Variants in SMG6 observed in about 807,000 individuals in gnomAD.
The protein encoded by SMG6 is SMG6 nonsense mediated mRNA decay factor, also known as telomerase-binding protein EST1A.
Under a neutral mutation model 142.2 loss-of-function variants are expected in SMG6, and 66 were observed. The observed-to-expected ratio is 0.46, with a 90% confidence interval of 0.38 to 0.57. The LOEUF is 0.57. Ranked by LOEUF, SMG6 falls within the 20% of genes least tolerant of loss-of-function variation. SMG6 has a pLI of 0.00. For missense variants in SMG6, 1,793 were observed against 1,832.0 expected (o/e 0.98, Z 0.39); for synonymous variants, 779 against 702.4 (o/e 1.11, Z -1.72).
rs199666681 is a variant in SMG6, at chr17:2,061,469, G to GT, written c.*22_*23insA. 341 of 1,566,848 alleles carry GT rather than the reference G, an allele frequency of 2.2e-4. 1 individual carries two copies. In the African/African-American group the frequency reaches 3.7e-3, roughly 17 times the overall value. On this transcript the variant is annotated 3_prime_UTR_variant, in exon 19 of 19. Coordinates refer to ENST00000263073, the MANE Select transcript of SMG6 (RefSeq NM_017575.5). ...GGCCTTTCAGGAACGGTTCCACGGG[G>GT]GGGGGGCCCCAGTGTGGCTCCCTCA... is the stretch of plus-strand genomic sequence containing the variant.
At chr17:2,099,242 C>T (rs1597382582) in intron 13 of SMG6, among the ~76,000 whole-genome samples, 1 of 151,980 alleles carries the variant, frequency 6.6e-6, no homozygotes, top group Non-Finnish European at 1.5e-5. Flanking sequence ...AACACAGACA[C>T]CTGGACACAC....
At chr17:2,265,468 C>T (rs569386125) in intron 8 of SMG6, among the ~76,000 whole-genome samples, 4 of 151,850 alleles carry the variant, frequency 2.6e-5, no homozygotes, top group African/African-American at 9.6e-5. Flanking sequence ...TGAGATTGCG[C>T]CACTGCACTC....
intron 10 of SMG6, among the ~76,000 whole-genome samples, chr17:2,194,830 C>A (rs1388378616): frequency 6.6e-6 from 1 of 152,026 alleles, no homozygotes; most frequent in Non-Finnish European, 1.5e-5. Context: ...CGGCAGGTTC[C>A]AGAGGATCCT....
chr17:2,173,182 C>A (rs1415243940), intron 12 of SMG6: 1 of 352,374 alleles, frequency 2.8e-6, no homozygotes, highest in East Asian at 6.7e-5. Context: ...GACGCTTACT[C>A]AAACACTCTA....
chr17:2,112,486 T>C (rs1459796863), intron 13 of SMG6, among the ~76,000 whole-genome samples: 2 of 150,388 alleles, frequency 1.3e-5, no homozygotes, highest in Non-Finnish European at 3.0e-5. Flanking sequence ...CCAGCCTGGG[T>C]GACTGAGCAA....
chr17:2,144,408 T>C (rs896615700), intron 13 of SMG6, among the ~76,000 whole-genome samples: 13 of 152,108 alleles, frequency 8.5e-5, no homozygotes, highest in Non-Finnish European at 7.4e-5. Flanking sequence ...TTTCTCATCA[T>C]GTTTCCCGGG....
intron 2 of SMG6, among the ~76,000 whole-genome samples, chr17:2,298,702 A>G (rs1385924119): frequency 6.6e-6 from 1 of 150,738 alleles, no homozygotes; most frequent in Non-Finnish European, 1.5e-5. Context: ...TGGGCGACAG[A>G]GCGAGACTCC....
intron 9 of SMG6, 95 bp from the exon 10 acceptor site, chr17:2,236,732 CACACACACACA>C (rs1357937750): frequency 1.3e-5 from 18 of 1,373,994 alleles, no homozygotes; most frequent in Middle Eastern, 5.4e-4. Flanking sequence ...CACACACACA[CACACACACACA>C]CACACACACC....
At chr17:2,189,872 G>C (rs1339502579) in intron 10 of SMG6, among the ~76,000 whole-genome samples, 1 of 150,724 alleles carries the variant, frequency 6.6e-6, no homozygotes, top group Non-Finnish European at 1.5e-5. Flanking sequence ...TTTGATTGTG[G>C]CTTTCCCACC....
chr17:2,169,994 G>A (rs1451947332), intron 13 of SMG6, among the ~76,000 whole-genome samples: 3 of 152,146 alleles, frequency 2.0e-5, no homozygotes, highest in Admixed American at 6.5e-5. Flanking sequence ...ATATGGAAGT[G>A]TGACAAAGAA....
At chr17:2,114,552 T>A (rs2069438458) in intron 13 of SMG6, among the ~76,000 whole-genome samples, 2 of 152,074 alleles carry the variant, frequency 1.3e-5, no homozygotes, top group African/African-American at 4.8e-5. Flanking sequence ...AGAATACAGA[T>A]GAGACCTTAG....
At chr17:2,292,806 C>T in intron 5 of SMG6, 65 bp downstream of exon 5, 1 of 1,492,228 alleles carries the variant, frequency 6.7e-7, no homozygotes, top group Non-Finnish European at 9.4e-7. Flanking sequence ...TGGCCTACTG[C>T]TCTTAGTAAG....
intron 8 of SMG6, among the ~76,000 whole-genome samples, chr17:2,249,584 A>G (rs555740185): frequency 6.6e-6 from 1 of 152,234 alleles, no homozygotes; most frequent in South Asian, 2.1e-4. Flanking sequence ...TTGGCTTCCC[A>G]AAGTGCTCAG....
chr17:2,126,841 T>C (rs2984943), intron 13 of SMG6, among the ~76,000 whole-genome samples: 52,708 of 151,610 alleles, frequency 0.35, 9,872 homozygotes, highest in African/African-American at 0.49. Context: ...CACTCGAGGC[T>C]GAGGAGTTCA....
intron 12 of SMG6, among the ~76,000 whole-genome samples, chr17:2,184,960 CAAAAA>C (rs58230459): frequency 1.3e-4 from 3 of 22,476 alleles, no homozygotes; most frequent in Middle Eastern, 0.045. Flanking sequence ...GACTCCATCT[CAAAAA>C]AAAAAAAAAA....
chr17:2,242,462 G>A (rs1435947197), intron 9 of SMG6, among the ~76,000 whole-genome samples: 6 of 149,488 alleles, frequency 4.0e-5, no homozygotes, highest in South Asian at 2.1e-4. Flanking sequence ...CCCGGGAGGC[G>A]GAGCTTGCAG....
At chr17:2,192,935 A>G (rs1426985932) in intron 10 of SMG6, among the ~76,000 whole-genome samples, 3 of 152,226 alleles carry the variant, frequency 2.0e-5, no homozygotes, top group Non-Finnish European at 2.9e-5. Context: ...AGCAGAACGA[A>G]TGAGTCAGCA....
At chr17:2,298,712 C>T (rs536982356) in intron 2 of SMG6, among the ~76,000 whole-genome samples, 194 bp downstream of exon 2, 19 of 148,508 alleles carry the variant, frequency 1.3e-4, no homozygotes, top group Admixed American at 5.4e-4. Context: ...AGCGAGACTC[C>T]GTCTTAAAAA....
chr17:2,123,677 T>C (rs2069775379), intron 13 of SMG6, among the ~76,000 whole-genome samples: 1 of 152,154 alleles, frequency 6.6e-6, no homozygotes, highest in Admixed American at 6.5e-5. Flanking sequence ...GGGAAGAGAA[T>C]GGAGATGGCA....
Sources: gnomAD v4.1 joint callset for allele counts (sites outside exome capture counted in the v4.1 genomes callset) on GRCh38, gnomAD v4.1.1 for gene constraint, MANE v1.5 for transcripts, NCBI Gene and HGNC (gene_info 2026-07-23, HGNC 2026-07-21) for gene names.